SERINC1: variants seen among roughly 807,000 people sequenced by gnomAD.
SERINC1 encodes serine incorporator 1.
Under a neutral mutation model 52.9 loss-of-function variants are expected in SERINC1, and 38 were observed. The observed-to-expected ratio is 0.72, with a 90% CI of 0.55 to 0.94. The LOEUF (loss-of-function observed/expected upper bound fraction) is 0.94, where lower values mean the gene tolerates loss of function less well. Ranked by LOEUF, SERINC1 falls within the 40% of genes least tolerant of loss-of-function variation. The probability of loss-of-function intolerance (pLI) is 0.00; values close to 1 mark genes in which losing one functional copy is unlikely to be tolerated. For missense variants in SERINC1, 471 were observed against 533.9 expected, an observed-to-expected ratio of 0.88 and a Z score of 1.16; for synonymous variants, 198 against 183.1, an observed-to-expected ratio of 1.08 and a Z score of -0.66.
chr6:122,461,703 A>C (rs1775104334), intron 1 of SERINC1, among the ~76,000 whole-genome samples: 2 of 152,136 alleles, frequency 1.3e-5, no homozygotes, highest in African/African-American at 4.8e-5. Flanking sequence ...ATCTTCCAAA[A>C]ATTAAGGCAA....
In SERINC1 at chr6:122,446,823, G is replaced by T; in HGVS notation, c.1177C>A (p.Leu393Ile). 6.2e-7 allele frequency: 1 copy of T among 1,613,978 alleles called. No homozygotes were observed. The highest frequency in any genetic ancestry group is 8.5e-7 in the Non-Finnish European group (1 of 1,179,868). ...ATGATATAAAGTGAAGCCAGGAAAA[G>T]CATGAAGTGAAAGAAGGAATAACTG... ...TYSYSFFHFM[L>I]FLASLYIMMT... is the part of the protein sequence containing the mutation. The change falls in exon 9 of 10, where the codon CTT (leucine) becomes ATT (isoleucine). Residue 393 changes from leucine to isoleucine, a missense_variant. Transcript: ENST00000339697.
chr6:122,446,892 C>G lies in SERINC1; in HGVS notation c.1108G>C (p.Asp370His). 1 of 1,613,014 alleles carries G rather than the reference C, an allele frequency of 6.2e-7. No homozygotes were observed. Among genetic ancestry groups the G allele is most frequent in the Non-Finnish European group, 8.5e-7 (1 of 1,179,012 alleles). ...RSDGSLEDGD[D>H]VHRAVDNERD... Reference sequence around the variant, plus strand: ...TCATTATCTACAGCTCGGTGAACATCGTCCCCATCCTCCAGTGATCCATCA... The same window carrying G: ...TCATTATCTACAGCTCGGTGAACATGGTCCCCATCCTCCAGTGATCCATCA... Residue 370 changes from aspartate (D) to histidine (H), a missense_variant, in exon 9 of 10, where the codon GAT (aspartate) becomes CAT (histidine). By Grantham distance (81) the Asp-to-His change is moderately conservative. Transcript: ENST00000339697.
intron 1 of SERINC1, 104 bp downstream of exon 1, chr6:122,471,595 G>A (rs1775302560): frequency 2.2e-6 from 3 of 1,384,432 alleles, no homozygotes; most frequent in Non-Finnish European, 3.1e-6. Flanking sequence ...ACTCCCTGTT[G>A]GGTGGGGCAC....
intron 3 of SERINC1, chr6:122,454,437 A>G: frequency 2.0e-6 from 1 of 491,622 alleles, no homozygotes; most frequent in South Asian, 2.8e-5. Flanking sequence ...GTTTGGAGAG[A>G]GAGTGAAATT....
intron 1 of SERINC1, among the ~76,000 whole-genome samples, chr6:122,467,948 GA>G (rs573197012): frequency 2.0e-4 from 31 of 152,116 alleles, no homozygotes; most frequent in African/African-American, 4.6e-4. Context: ...ACAAAATCAA[GA>G]ATACACTATA....
chr6:122,452,948 A>AT (rs1774937241), intron 5 of SERINC1, among the ~76,000 whole-genome samples: 1 of 152,172 alleles, frequency 6.6e-6, no homozygotes, highest in South Asian at 2.1e-4. Flanking sequence ...CCAATTTAAA[A>AT]TTTTTTTAGC....
At chr6:122,469,498 A>G (rs567674109) in intron 1 of SERINC1, among the ~76,000 whole-genome samples, 1 of 146,902 alleles carries the variant, frequency 6.8e-6, no homozygotes, top group African/African-American at 2.5e-5. Context: ...TGCCTCAGCC[A>G]CCCGAGTGGG....
chr6:122,469,093 CA>C (rs1775232018), intron 1 of SERINC1, among the ~76,000 whole-genome samples: 2 of 152,010 alleles, frequency 1.3e-5, no homozygotes, highest in Admixed American at 1.3e-4. Flanking sequence ...TGCCATGAAC[CA>C]AGGATTATGA....
intron 1 of SERINC1, among the ~76,000 whole-genome samples, chr6:122,460,679 C>G (rs1199645440): frequency 6.6e-6 from 1 of 152,074 alleles, no homozygotes; most frequent in African/African-American, 2.4e-5. Flanking sequence ...AAAATTTACA[C>G]TGGAAAGCTA....
intron 5 of SERINC1, 46 bp downstream of exon 5, chr6:122,453,724 C>T (rs1774950077): frequency 6.6e-7 from 1 of 1,508,096 alleles, no homozygotes; most frequent in African/African-American, 1.4e-5. Context: ...CTATTCTCGA[C>T]TTCAAAGTTC....
At chr6:122,453,698 T>TA (rs1315023685) in intron 5 of SERINC1, 72 bp downstream of exon 5, 11 of 1,247,598 alleles carry the variant, frequency 8.8e-6, no homozygotes, top group Non-Finnish European at 1.2e-5. Context: ...CTAAGTGATT[T>TA]ACCTAGTCTA....
At chr6:122,449,759 G>T (rs546813149) in intron 7 of SERINC1, among the ~76,000 whole-genome samples, 1 of 152,340 alleles carries the variant, frequency 6.6e-6, no homozygotes, top group East Asian at 1.9e-4. Context: ...GCTCACGCCT[G>T]TAAGTTCAGC....
chr6:122,457,804 CAT>C lies in SERINC1; in HGVS notation c.201+714_201+715del, dbSNP rs60098882. On this transcript the variant is annotated intron_variant, in intron 2 of 9. Coordinates refer to ENST00000339697, the MANE Select transcript of SERINC1 (RefSeq NM_020755.4). ...AGCAGCCTGAACTGAGTAAGACATA[CAT>C]ATATATATATATATATACATGTACA... 7.5e-3 allele frequency among the ~76,000 whole-genome samples: 1,107 copies of C among 147,556 alleles called. 15 individuals are homozygous for C. The highest frequency in any genetic ancestry group is 0.044 in the East Asian group (219 of 5,000).
intron 1 of SERINC1, among the ~76,000 whole-genome samples, chr6:122,463,463 T>G (rs1775139659): frequency 6.6e-6 from 1 of 151,994 alleles, no homozygotes; most frequent in African/African-American, 2.4e-5. Flanking sequence ...ACATGATAAA[T>G]CATCGGCATC....
intron 7 of SERINC1, among the ~76,000 whole-genome samples, chr6:122,449,606 T>G (rs1774868815): frequency 6.6e-6 from 1 of 152,188 alleles, no homozygotes; most frequent in Admixed American, 6.5e-5. Context: ...GGGTTGGTTG[T>G]TGAGGTTTAA....
rs752819433 is a variant in SERINC1 at position 122,456,566 on chromosome 6, C to T, written c.286G>A (p.Gly96Ser). 2 of 1,612,742 alleles carry T rather than the reference C, an allele frequency of 1.2e-6. No homozygotes were observed. Among genetic ancestry groups the T allele is most frequent in the Non-Finnish European group, 1.7e-6 (2 of 1,179,100 alleles). ...AGAAGAAGATAGAACATAGCCAAAC[C>T]AAAGCACAAACGATATACAGCTTTA... ...GYKAVYRLCFGLAMFYLLLSL... is the reference protein window; with the variant it reads ...GYKAVYRLCFSLAMFYLLLSL... The change falls in exon 3 of 10, where the codon GGT (glycine) becomes AGT (serine). Residue 96 changes from glycine to serine, a missense_variant. By Grantham distance (56) the Gly-to-Ser change is moderately conservative. Transcript: ENST00000339697.
intron 1 of SERINC1, among the ~76,000 whole-genome samples, chr6:122,471,468 A>T (rs1775297730): frequency 6.6e-6 from 1 of 152,190 alleles, no homozygotes; most frequent in Non-Finnish European, 1.5e-5. Context: ...AATTTGAGTC[A>T]TCTTCCCATC....
intron 1 of SERINC1, among the ~76,000 whole-genome samples, chr6:122,469,651 G>C (rs954150101): frequency 2.2e-4 from 33 of 152,286 alleles, no homozygotes; most frequent in African/African-American, 6.0e-4. Context: ...CCGTCTCCCA[G>C]TTCAAGCAAT....
intron 1 of SERINC1, among the ~76,000 whole-genome samples, chr6:122,466,148 T>G (rs934729577): frequency 6.6e-6 from 1 of 152,084 alleles, no homozygotes; most frequent in East Asian, 1.9e-4. Context: ...GCATTTGAAC[T>G]TGGGAGGCGG....
Sources: gnomAD v4.1 joint callset for allele counts (sites outside exome capture counted in the v4.1 genomes callset) on GRCh38, gnomAD v4.1.1 for gene constraint, MANE v1.5 for transcripts, NCBI Gene and HGNC (gene_info 2026-07-23, HGNC 2026-07-21) for gene names.